Variants in LMF1 observed in about 807,000 individuals in gnomAD.
The protein encoded by LMF1 is lipase maturation factor 1, also known as transmembrane protein 112.
In LMF1, 68 loss-of-function variants were observed where a neutral mutation model predicts 60.6. The ratio of observed to expected loss-of-function variants is 1.12; its 90% confidence interval spans 0.92 to 1.37. The LOEUF (loss-of-function observed/expected upper bound fraction) is 1.37. LMF1 is among the 40% of genes most tolerant of loss of function. The pLI is 0.00. For missense variants in LMF1, 948 were observed against 767.2 expected (o/e 1.24, Z -2.78); for synonymous variants, 418 against 324.7 (o/e 1.29, Z -3.09).
chr16:870,962 C>T, intron 7 of LMF1, 80 bp from the exon 8 acceptor site: 1 of 1,498,012 alleles, frequency 6.7e-7, no homozygotes, highest in South Asian at 1.3e-5. Flanking sequence ...AGCTGCTGCT[C>T]CCTAAGGGTC....
At chr16:862,009 C>T (rs2069480454) in intron 10 of LMF1, among the ~76,000 whole-genome samples, 1 of 152,172 alleles carries the variant, frequency 6.6e-6, no homozygotes, top group South Asian at 2.1e-4. Flanking sequence ...TGTCACGGGC[C>T]TTCCCAACAC....
At chr16:879,101 C>T (rs536584602) in intron 6 of LMF1, among the ~76,000 whole-genome samples, 14 of 151,908 alleles carry the variant, frequency 9.2e-5, no homozygotes, top group Admixed American at 7.9e-4. Flanking sequence ...CCCGGGGTTC[C>T]GGGGGCTGGG....
chr16:906,530 T>G (rs1408628679), intron 4 of LMF1, among the ~76,000 whole-genome samples: 1 of 152,130 alleles, frequency 6.6e-6, no homozygotes, highest in Non-Finnish European at 1.5e-5. Flanking sequence ...GTTCTTCCGT[T>G]CTGAGACTCG....
Position 868,788 on chromosome 16 carries a change from G to GGGA in LMF1, c.1529+155_1529+156insTCC, listed in dbSNP as rs869161964. Reference sequence around the variant, plus strand: ...GGCTGATGTGGGGCGGGGGGGGGGGGCCCTTTTTGCTCCCAGCAGGCCCCA... The same window carrying GGGA: ...GGCTGATGTGGGGCGGGGGGGGGGGGGGACCCTTTTTGCTCCCAGCAGGCCCCA... On this transcript the variant is annotated intron_variant, in intron 10 of 10. Coordinates refer to ENST00000262301, the MANE Select transcript of LMF1 (RefSeq NM_022773.4). Among the ~76,000 whole-genome samples the GGGA allele has an allele frequency of 1.1e-3, 149 of 136,310 alleles. 1 individual carries two copies. Among genetic ancestry groups the GGGA allele is most frequent in the African/African-American group, 3.9e-3 (141 of 36,600 alleles). The allele number at this position is 136,310 out of a possible 152,430, so 89.4% of individuals were successfully genotyped here.
chr16:979,870 G>A (rs2073292388), intron 1 of LMF1: 3 of 416,936 alleles, frequency 7.2e-6, no homozygotes, highest in South Asian at 1.7e-5. Flanking sequence ...AGGCCTAACA[G>A]ATGAGTTCCG....
At chr16:870,948 C>G in intron 7 of LMF1, 66 bp from the exon 8 acceptor site, 1 of 1,519,260 alleles carries the variant, frequency 6.6e-7, no homozygotes, top group South Asian at 1.2e-5. Context: ...CCTGGGGAGA[C>G]CCCAGCTGCT....
intron 4 of LMF1, among the ~76,000 whole-genome samples, chr16:908,435 G>C (rs912798538): frequency 6.6e-6 from 1 of 152,156 alleles, no homozygotes; most frequent in East Asian, 1.9e-4. Flanking sequence ...ACCACGTCCA[G>C]AAAGCTCTCC....
At chr16:908,548 C>A (rs1567220676) in intron 4 of LMF1, among the ~76,000 whole-genome samples, 1 of 152,216 alleles carries the variant, frequency 6.6e-6, no homozygotes, top group Non-Finnish European at 1.5e-5. Flanking sequence ...CCTTGACAAG[C>A]CCTGGGGGCC....
rs577787092 is a variant in LMF1, at chr16:874,101, C to T, written c.898-2760G>A. On this transcript the variant is annotated intron_variant, in intron 6 of 10. Coordinates refer to ENST00000262301, the MANE Select transcript of LMF1 (RefSeq NM_022773.4). This position sits in a 1 kb window ranked among gnomAD's most constrained non-coding sequence, Gnocchi z 4.1. Reference sequence around the variant, plus strand: ...GGGTATGGGAAGTTCTGGAACCAGGCGGAGGCGGCGGTTGCATCACGCTGT... The same window carrying T: ...GGGTATGGGAAGTTCTGGAACCAGGTGGAGGCGGCGGTTGCATCACGCTGT... Among the ~76,000 whole-genome samples the T allele has an allele frequency of 3.1e-4, 47 of 152,266 alleles. No homozygotes were observed. The highest frequency in any genetic ancestry group is 2.5e-3 in the South Asian group (12 of 4,822).
At chr16:896,989 A>C (rs527422839) in intron 4 of LMF1, among the ~76,000 whole-genome samples, 3 of 151,944 alleles carry the variant, frequency 2.0e-5, no homozygotes, top group Non-Finnish European at 4.4e-5. Flanking sequence ...TCAGCCCAAA[A>C]TTAATTCTAA....
intron 3 of LMF1, among the ~76,000 whole-genome samples, chr16:930,682 T>C (rs1229782833): frequency 6.6e-6 from 1 of 152,242 alleles, no homozygotes; most frequent in Non-Finnish European, 1.5e-5. Context: ...GTGTGTATTT[T>C]CAGGCGGGTC....
chr16:966,047 G>A (rs2072916093), intron 1 of LMF1, among the ~76,000 whole-genome samples: 2 of 152,162 alleles, frequency 1.3e-5, no homozygotes, highest in Admixed American at 6.5e-5. Flanking sequence ...CCTGGGTGGG[G>A]TCAGGAGTCC....
chr16:862,315 T>C (rs1435732965), intron 10 of LMF1, among the ~76,000 whole-genome samples: 2 of 152,046 alleles, frequency 1.3e-5, no homozygotes, highest in Non-Finnish European at 1.5e-5. Context: ...AGCTAATTTT[T>C]GTATTTTTAG....
chr16:951,253 C>CAACGACAGAGTCAGCT (rs1446659043), intron 2 of LMF1, among the ~76,000 whole-genome samples: 1 of 151,600 alleles, frequency 6.6e-6, no homozygotes, highest in African/African-American at 2.4e-5. Context: ...CAGAGTCAGC[C>CAACGACAGAGTCAGCT]AACGACAGAG....
chr16:869,188 C>T, intron 9 of LMF1, 132 bp from the exon 10 acceptor site: 1 of 717,746 alleles, frequency 1.4e-6, no homozygotes, highest in East Asian at 2.6e-5. Context: ...CAGCCGCACT[C>T]CAGCTCTTTG....
chr16:977,689 GGGACGGGGA>G (rs1567350126), intron 1 of LMF1, among the ~76,000 whole-genome samples: 3 of 112,416 alleles, frequency 2.7e-5, no homozygotes, highest in East Asian at 2.2e-4. Flanking sequence ...TGGATGGAGG[GGGACGGGGA>G]GGACGGGCAG....
At chr16:858,909 G>T (rs2069314681) in intron 10 of LMF1, among the ~76,000 whole-genome samples, 1 of 107,374 alleles carries the variant, frequency 9.3e-6, no homozygotes, top group Non-Finnish European at 1.9e-5. Flanking sequence ...GTCTCGGGAC[G>T]GGTGTGCAGT....
chr16:932,505 T>C (rs2071819159), intron 3 of LMF1, among the ~76,000 whole-genome samples: 1 of 152,236 alleles, frequency 6.6e-6, no homozygotes, highest in Non-Finnish European at 1.5e-5. Flanking sequence ...CTTCTCCCGC[T>C]AGACACAGGT....
chr16:871,292 A>G lies in LMF1; in HGVS notation c.947T>C (p.Met316Thr). The G allele has an allele frequency of 1.2e-6, 2 of 1,612,560 alleles. No individual in the cohort carries two copies. Among genetic ancestry groups the G allele is most frequent in the South Asian group, 1.1e-5 (1 of 91,026 alleles). Reference sequence around the variant, plus strand: ...ATCAAAGCAGGCCAGGCTGGGCACCATAGTCAGCCAGTTCAGGAAGCTGAG... The same window carrying G: ...ATCAAAGCAGGCCAGGCTGGGCACCGTAGTCAGCCAGTTCAGGAAGCTGAG... ...GNLSFLNWLT[M>T]VPSLACFDDA... Residue 316 changes from methionine (M) to threonine (T), a missense_variant, in exon 7 of 11, where the codon ATG becomes ACG. By Grantham distance (81) the Met-to-Thr change is moderately conservative. Transcript: ENST00000262301.
Sources: allele counts gnomAD v4.1 joint callset (sites outside exome capture counted in the v4.1 genomes callset), GRCh38; gene constraint gnomAD v4.1.1; non-coding constraint Gnocchi (gnomAD v3.1); transcripts MANE v1.5; gene names NCBI Gene and HGNC (gene_info 2026-07-23, HGNC 2026-07-21).